The following ZNF264 variants were observed in gnomAD, a reference collection of about 807,000 sequenced individuals.
ZNF264 encodes zinc finger protein 264.
Under a neutral mutation model 11.2 loss-of-function variants are expected in ZNF264, and 11 were observed. The ratio of observed to expected loss-of-function variants is 0.98; its 90% confidence interval spans 0.62 to 1.63. The LOEUF is 1.63. ZNF264 is among the 40% of genes most tolerant of loss of function. ZNF264 has a pLI of 0.00. For synonymous variants in ZNF264, 309 were observed against 279.8 expected (o/e 1.10, Z -1.04); for missense variants, 752 against 768.1 (o/e 0.98, Z 0.25).
In ZNF264 at chr19:57,214,425, C is replaced by G. The variant is rs564651157; in HGVS notation, c.*1444C>G. On this transcript the variant is annotated 3_prime_UTR_variant, in exon 4 of 4. Transcript: ENST00000263095. ...GTGGCACGATCTTGTCTCACCATAGCCTTAAGTTCCTGGGCTCAAGTGATC... is the reference window on the plus strand; with the variant it reads ...GTGGCACGATCTTGTCTCACCATAGGCTTAAGTTCCTGGGCTCAAGTGATC... 6.6e-6 allele frequency: 1 copy of G among 152,454 alleles called. No homozygotes were observed. Among genetic ancestry groups the G allele is most frequent in the African/African-American group, 2.4e-5 (1 of 41,568 alleles). The allele number at this position is 152,454 out of a possible 1,614,324, so 9.4% of individuals were successfully genotyped here.
Position 57,217,638 on chromosome 19 carries a change from C to T in ZNF264, c.*4657C>T, listed in dbSNP as rs1220145851. 2 of 152,004 alleles carry T rather than the reference C, an allele frequency of 1.3e-5. No homozygotes were observed. Among genetic ancestry groups the T allele is most frequent in the African/African-American group, 4.8e-5 (2 of 41,356 alleles). The allele number at this position is 152,004 out of a possible 1,614,324, so 9.4% of individuals were successfully genotyped here. The stretch of plus-strand genomic sequence containing the variant: ...CCATCTTGGCCAGGTTGGTCTTGAA[C>T]TCTTGACCTCATGATCCACCCGCCT... On this transcript the variant is annotated 3_prime_UTR_variant, in exon 4 of 4. Transcript: ENST00000263095.
At chr19:57,206,405 A>G (rs7257188) in intron 3 of ZNF264, among the ~76,000 whole-genome samples, 100,005 of 150,364 alleles carry the variant, frequency 0.67, 34,204 homozygotes, top group African/African-American at 0.82. Flanking sequence ...CACCACGCCC[A>G]GCTAATTTTT....
In ZNF264 at chr19:57,212,202, A is replaced by G. The variant is rs1599955050; in HGVS notation, c.1105A>G (p.Lys369Glu). 5 of 1,614,062 alleles carry G rather than the reference A, an allele frequency of 3.1e-6. No individual in the cohort carries two copies. The Admixed American group carries it at 8.3e-5, about 27-fold the overall frequency. The part of the protein sequence containing the change: ...MWHQQTHTGE[K>E]PYECSECGKV... ...GCACCAGCAGACTCATACCGGGGAG[A>G]AGCCCTATGAGTGCAGTGAATGTGG... is the stretch of plus-strand genomic sequence containing the variant. The change falls in exon 4 of 4, where the codon AAG (lysine) becomes GAG (glutamate). Residue 369 changes from lysine to glutamate, a missense_variant. By Grantham distance (56) the Lys-to-Glu change is moderately conservative. Transcript: ENST00000263095.
intron 2 of ZNF264, chr19:57,194,887 A>G (rs778811568): frequency 2.6e-4 from 105 of 399,942 alleles, no homozygotes; most frequent in Middle Eastern, 6.3e-4. Flanking sequence ...AAATTTAACG[A>G]CTGTTACTGG....
Position 57,205,469 on chromosome 19 carries a change from A to G in ZNF264, c.233A>G (p.Asp78Gly). 3 of 1,611,414 alleles carry G rather than the reference A, an allele frequency of 1.9e-6. No homozygotes were observed. The South Asian group carries it at 3.3e-5, about 18-fold the overall frequency. ...CAGGAGCCATGGACCAGGAAGGAAG[A>G]CCTCTCCCAAGACACCTGTCCAGGT... is the stretch of plus-strand genomic sequence containing the variant. ...HGQEPWTRKE[D>G]LSQDTCPGDK... Residue 78 changes from aspartate (D) to glycine (G), a missense_variant, in exon 3 of 4, where the codon GAC becomes GGC. Coordinates refer to ENST00000263095, the MANE Select transcript of ZNF264 (RefSeq NM_003417.5).
intron 2 of ZNF264, among the ~76,000 whole-genome samples, chr19:57,202,583 G>A (rs2087261365): frequency 6.6e-6 from 1 of 151,754 alleles, no homozygotes; most frequent in Non-Finnish European, 1.5e-5. Context: ...TATACCCTGG[G>A]AAAGGAATGT....
At chr19:57,207,517 A>G (rs2087301599) in intron 3 of ZNF264, among the ~76,000 whole-genome samples, 1 of 150,364 alleles carries the variant, frequency 6.7e-6, no homozygotes, top group Non-Finnish European at 1.5e-5. Flanking sequence ...TCAACCTAAA[A>G]ATATGCTTGT....
Position 57,212,605 on chromosome 19 carries a change from G to T in ZNF264, c.1508G>T (p.Arg503Leu). Residue 503 changes from arginine (R) to leucine (L), a missense_variant, in exon 4 of 4, where the codon CGG (arginine) becomes CTG (leucine). By Grantham distance (102) the Arg-to-Leu change is moderately radical. Transcript: ENST00000263095. Reference sequence around the variant, plus strand: ...ATGTCGGGCCTCACGAGGCACAAGCGGATTCATAGTGGAGAGAAGCCCTAT... The same window carrying T: ...ATGTCGGGCCTCACGAGGCACAAGCTGATTCATAGTGGAGAGAAGCCCTAT... The part of the protein sequence containing the change: ...TRMSGLTRHK[R>L]IHSGEKPYEC... 3 of 1,614,026 alleles carry T rather than the reference G, an allele frequency of 1.9e-6. No individual in the cohort carries two copies. The highest frequency in any genetic ancestry group is 2.5e-6 in the Non-Finnish European group (3 of 1,180,012).
Position 57,217,171 on chromosome 19 carries a change from C to T in ZNF264, c.*4190C>T, listed in dbSNP as rs1230313206. ...GTTTCTACTGAATGCATGTCGCATTCGCACCATTGTAAAGTCAAGTAGTAA... is the reference window on the plus strand; with the variant it reads ...GTTTCTACTGAATGCATGTCGCATTTGCACCATTGTAAAGTCAAGTAGTAA... On this transcript the variant is annotated 3_prime_UTR_variant, in exon 4 of 4. Coordinates refer to ENST00000263095, the MANE Select transcript of ZNF264 (RefSeq NM_003417.5). 1 of 152,106 alleles carries T rather than the reference C, an allele frequency of 6.6e-6. No homozygotes were observed. Among genetic ancestry groups the T allele is most frequent in the Non-Finnish European group, 1.5e-5 (1 of 68,034 alleles). 9.4% of individuals were successfully genotyped at this position (152,106 alleles called of 1,614,324 possible).
In ZNF264 at chr19:57,216,955, C is replaced by G. The variant is rs2087384531; in HGVS notation, c.*3974C>G. ...TATGATGGGGTTATGTCACAATAAA[C>G]CCATTGCAAGTTGAAAATACTATGT... is the stretch of plus-strand genomic sequence containing the variant. On this transcript the variant is annotated 3_prime_UTR_variant, in exon 4 of 4. Transcript: ENST00000263095. The G allele has an allele frequency of 6.6e-6, 1 of 151,590 alleles. No homozygotes were observed. Among genetic ancestry groups the G allele is most frequent in the Non-Finnish European group, 1.5e-5 (1 of 67,974 alleles). 9.4% of individuals were successfully genotyped at this position (151,590 alleles called of 1,614,324 possible).
In ZNF264 at chr19:57,214,361, T is replaced by A. The variant is rs893414343; in HGVS notation, c.*1380T>A. On this transcript the variant is annotated 3_prime_UTR_variant, in exon 4 of 4. Coordinates refer to ENST00000263095, the MANE Select transcript of ZNF264 (RefSeq NM_003417.5). ...GTTTTTTGTTTTTTTGTTTTTTGTTTGAGACAGGGTCTCGCTCTGTCACCC... is the reference window on the plus strand; with the variant it reads ...GTTTTTTGTTTTTTTGTTTTTTGTTAGAGACAGGGTCTCGCTCTGTCACCC... 1.3e-5 allele frequency: 2 copies of A among 152,428 alleles called. No individual in the cohort carries two copies. Among genetic ancestry groups the A allele is most frequent in the African/African-American group, 4.8e-5 (2 of 41,472 alleles). The allele number at this position is 152,428 out of a possible 1,614,324, so 9.4% of individuals were successfully genotyped here.
chr19:57,200,955 T>C (rs1227892254), intron 2 of ZNF264, among the ~76,000 whole-genome samples: 1 of 152,070 alleles, frequency 6.6e-6, no homozygotes, highest in East Asian at 1.9e-4. Context: ...TTGTTATATA[T>C]GTGCTATATA....
At position 57,211,545 on chromosome 19, in the gene ZNF264, T is replaced by G. The variant is rs1568476553; in HGVS notation, c.448T>G (p.Ser150Ala). 1 of 1,613,778 alleles carries G rather than the reference T, an allele frequency of 6.2e-7. No individual in the cohort carries two copies. Among genetic ancestry groups the G allele is most frequent in the Non-Finnish European group, 8.5e-7 (1 of 1,179,948 alleles). The change falls in exon 4 of 4, where the codon TCT becomes GCT. Residue 150 changes from serine (S) to alanine (A), a missense_variant. Coordinates refer to ENST00000263095, the MANE Select transcript of ZNF264 (RefSeq NM_003417.5). The stretch of plus-strand genomic sequence containing the variant: ...ACCAGGAATAGATCCCCAGGAGAAG[T>G]CTCCTGGGAAGATGAGCCCTGAATG... ...FRPGIDPQEKSPGKMSPECDG... is the reference protein window; with the variant it reads ...FRPGIDPQEKAPGKMSPECDG...
At chr19:57,195,491 C>G (rs972132537) in intron 2 of ZNF264, among the ~76,000 whole-genome samples, 1 of 152,208 alleles carries the variant, frequency 6.6e-6, no homozygotes, top group Non-Finnish European at 1.5e-5. Flanking sequence ...AGCACCTCAG[C>G]AGGTCATGGT....
rs956218967 is a variant in ZNF264, at chr19:57,193,628, C to T, written c.34-247C>T. 1.1e-5 allele frequency: 9 copies of T among 837,092 alleles called. No homozygotes were observed. In the African/African-American group the frequency reaches 1.7e-4, roughly 15 times the overall value. 51.9% of individuals were successfully genotyped at this position (837,092 alleles called of 1,614,324 possible). A position where few individuals can be genotyped will look rare whatever the true frequency, so the allele number is the denominator to read the frequency against. On this transcript the variant is annotated intron_variant, in intron 1 of 3. Transcript: ENST00000263095. Reference sequence around the variant, plus strand: ...GCCCTTAGCTTCTGTATTTCACAGTCCACAAGTTGTTTCCGTTGTCCTGTG... The same window carrying T: ...GCCCTTAGCTTCTGTATTTCACAGTTCACAAGTTGTTTCCGTTGTCCTGTG...
At chr19:57,200,525 C>G (rs1295173448) in intron 2 of ZNF264, among the ~76,000 whole-genome samples, 1 of 133,742 alleles carries the variant, frequency 7.5e-6, no homozygotes, top group Non-Finnish European at 1.6e-5. Context: ...TTGTCTTTTT[C>G]TTTGTCTTTG....
At chr19:57,192,493 G>C (rs1184001425) in intron 1 of ZNF264, 16 of 985,218 alleles carry the variant, frequency 1.6e-5, no homozygotes, top group Non-Finnish European at 1.7e-5. Context: ...TTGGCCGCTC[G>C]TGTTCCGTGG....
At position 57,213,621 on chromosome 19, in the gene ZNF264, G is replaced by A. The variant is rs2087358315; in HGVS notation, c.*640G>A. ...AAATTACTTAGCTCAAAATGTCAGT[G>A]GTAAATTTTTAAATTGAGTAAAGTG... On this transcript the variant is annotated 3_prime_UTR_variant, in exon 4 of 4. Transcript: ENST00000263095. 6.6e-6 allele frequency: 1 copy of A among 152,070 alleles called. No homozygotes were observed. The highest frequency in any genetic ancestry group is 1.5e-5 in the Non-Finnish European group (1 of 68,020). The allele number at this position is 152,070 out of a possible 1,614,324, so 9.4% of individuals were successfully genotyped here. A position where few individuals can be genotyped will look rare whatever the true frequency, so the allele number is the denominator to read the frequency against.
intron 3 of ZNF264, among the ~76,000 whole-genome samples, chr19:57,210,063 C>T (rs2087323354): frequency 6.6e-6 from 1 of 152,186 alleles, no homozygotes. Flanking sequence ...ATCACCTTCA[C>T]TGTCACCCAG....
Sources: allele counts gnomAD v4.1 joint callset (sites outside exome capture counted in the v4.1 genomes callset), GRCh38; gene constraint gnomAD v4.1.1; transcripts MANE v1.5; gene names NCBI Gene and HGNC (gene_info 2026-07-23, HGNC 2026-07-21).